The following TBCK variants were observed in gnomAD, a reference collection of about 807,000 sequenced individuals.
The protein encoded by TBCK is TBC domain-containing protein kinase-like protein.
Under a neutral mutation model 113.4 loss-of-function variants are expected in TBCK, and 99 were observed. That is an observed-to-expected ratio of 0.87 (90% confidence interval 0.74 to 1.03). TBCK has a LOEUF of 1.03. TBCK is among the 50% of genes least tolerant of loss of function. The pLI is 0.00. For synonymous variants in TBCK, 369 were observed against 370.8 expected (o/e 1.00, Z 0.05); for missense variants, 1,045 against 1,061.3 (o/e 0.98, Z 0.21).
intron 23 of TBCK, among the ~76,000 whole-genome samples, chr4:106,154,953 G>GT (rs377755770): frequency 9.7e-4 from 142 of 145,952 alleles, no homozygotes; most frequent in South Asian, 4.7e-3. Context: ...TTACTAGTGA[G>GT]TTTTTTTTTT....
chr4:106,199,480 G>C (rs1754634367), intron 20 of TBCK, among the ~76,000 whole-genome samples: 1 of 152,006 alleles, frequency 6.6e-6, no homozygotes, highest in Non-Finnish European at 1.5e-5. Flanking sequence ...AAATAACTGT[G>C]TAGTTTGAGG....
At chr4:106,244,084 C>G (rs1698542785) in intron 11 of TBCK, among the ~76,000 whole-genome samples, 1 of 151,978 alleles carries the variant, frequency 6.6e-6, no homozygotes, top group Non-Finnish European at 1.5e-5. Context: ...AATCTTAGCC[C>G]CAAGGCTGTA....
At chr4:106,166,823 C>T (rs944257335) in intron 23 of TBCK, among the ~76,000 whole-genome samples, 2 of 150,968 alleles carry the variant, frequency 1.3e-5, no homozygotes, top group South Asian at 4.2e-4. Flanking sequence ...TGAAATAATC[C>T]CAAATTAATA....
At chr4:106,234,145 T>C (rs572136427) in intron 15 of TBCK, among the ~76,000 whole-genome samples, 4 of 152,144 alleles carry the variant, frequency 2.6e-5, no homozygotes, top group Admixed American at 6.6e-5. Flanking sequence ...TTCTGGCTTA[T>C]TATCATGGTA....
At chr4:106,314,535 A>G (rs1302682505) in intron 1 of TBCK, among the ~76,000 whole-genome samples, 3 of 151,662 alleles carry the variant, frequency 2.0e-5, no homozygotes, top group Non-Finnish European at 4.4e-5. Context: ...AAAAGTGGTT[A>G]TCTTTGAAGA....
Position 106,139,502 on chromosome 4 carries a change from T to C in TBCK, c.2236-23124A>G, listed in dbSNP as rs147600504. Among the ~76,000 whole-genome samples, 476 of 141,764 alleles carry C rather than the reference T, an allele frequency of 3.4e-3. 88 individuals carry two copies. The highest frequency in any genetic ancestry group is 7.4e-3 in the Admixed American group (107 of 14,374). The allele number at this position is 141,764 out of a possible 152,430, so 93.0% of individuals were successfully genotyped here. A position where few individuals can be genotyped will look rare whatever the true frequency, so the allele number is the denominator to read the frequency against. Reference sequence around the variant, plus strand: ...GTATTCAGCTGTCTCTAATCTTTAATCATTTATTTTAACACACCACAAATC... The same window carrying C: ...GTATTCAGCTGTCTCTAATCTTTAACCATTTATTTTAACACACCACAAATC... On this transcript the variant is annotated intron_variant, in intron 23 of 25. Transcript: ENST00000394708.
At position 106,167,137 on chromosome 4, in the gene TBCK, G is replaced by T. The variant is rs368702604; in HGVS notation, c.2235+3958C>A. Among the ~76,000 whole-genome samples, 838 of 147,054 alleles carry T rather than the reference G, an allele frequency of 5.7e-3. 5 individuals are homozygous for T. Among genetic ancestry groups the T allele is most frequent in the Middle Eastern group, 0.043 (12 of 276 alleles). ...CACACTGTATATATATATATAGAGA[G>T]AGAGAGAGAGAACTATATATATAGA... On this transcript the variant is annotated intron_variant, in intron 23 of 25. Transcript: ENST00000394708.
At chr4:106,274,239 G>A (rs1478482275) in intron 3 of TBCK, among the ~76,000 whole-genome samples, 3 of 152,192 alleles carry the variant, frequency 2.0e-5, no homozygotes, top group African/African-American at 7.2e-5. Flanking sequence ...TGGAACCTTT[G>A]TGCATTGCTA....
chr4:106,150,657 G>T (rs1161898846), intron 23 of TBCK, among the ~76,000 whole-genome samples: 5 of 152,106 alleles, frequency 3.3e-5, no homozygotes, highest in Admixed American at 3.3e-4. Flanking sequence ...AGCACTGGGG[G>T]TACAGGGGTG....
At chr4:106,193,408 C>A (rs909156358) in intron 22 of TBCK, among the ~76,000 whole-genome samples, 2 of 151,974 alleles carry the variant, frequency 1.3e-5, no homozygotes, top group African/African-American at 2.4e-5. Flanking sequence ...TCACAGTGAG[C>A]GGGTATGACC....
chr4:106,308,368 T>C (rs1292841958), intron 2 of TBCK, among the ~76,000 whole-genome samples: 2 of 152,160 alleles, frequency 1.3e-5, no homozygotes, highest in Non-Finnish European at 2.9e-5. Context: ...TTGCAGGGAA[T>C]GGAGCATAGC....
chr4:106,288,299 C>T (rs1765324518), intron 3 of TBCK, among the ~76,000 whole-genome samples: 1 of 151,816 alleles, frequency 6.6e-6, no homozygotes, highest in African/African-American at 2.4e-5. Flanking sequence ...GAGGCTGAGA[C>T]AGGAGAATCA....
chr4:106,272,116 G>C (rs1430577993), intron 3 of TBCK, among the ~76,000 whole-genome samples: 1 of 151,238 alleles, frequency 6.6e-6, no homozygotes, highest in African/African-American at 2.4e-5. Flanking sequence ...ATAGAACAAA[G>C]ATAATAGGTT....
intron 25 of TBCK, among the ~76,000 whole-genome samples, chr4:106,071,550 G>A (rs1469814779): frequency 6.6e-6 from 1 of 152,188 alleles, no homozygotes; most frequent in Non-Finnish European, 1.5e-5. Flanking sequence ...AAGGCAATGT[G>A]GTGCCAAGAA....
intron 23 of TBCK, among the ~76,000 whole-genome samples, chr4:106,132,286 G>A (rs1293843005): frequency 6.6e-6 from 1 of 152,176 alleles, no homozygotes; most frequent in African/African-American, 2.4e-5. Flanking sequence ...GCTCTATGAA[G>A]CCTCATGACA....
At chr4:106,221,403 C>T (rs1175210362) in intron 19 of TBCK, among the ~76,000 whole-genome samples, 2 of 151,920 alleles carry the variant, frequency 1.3e-5, no homozygotes, top group Admixed American at 1.3e-4. Flanking sequence ...TTATATATCA[C>T]TTCATATATG....
intron 20 of TBCK, among the ~76,000 whole-genome samples, chr4:106,197,701 G>A (rs1316272357): frequency 6.6e-6 from 1 of 151,902 alleles, no homozygotes; most frequent in Non-Finnish European, 1.5e-5. Context: ...AGCCTTGAAA[G>A]GATCAAATTG....
At chr4:106,198,868 T>C (rs1205976569) in intron 20 of TBCK, among the ~76,000 whole-genome samples, 2 of 152,244 alleles carry the variant, frequency 1.3e-5, no homozygotes, top group African/African-American at 2.4e-5. Flanking sequence ...AGTACGACAA[T>C]ACAAGTTCTG....
intron 3 of TBCK, among the ~76,000 whole-genome samples, chr4:106,286,599 A>G (rs549669042): frequency 3.5e-4 from 53 of 152,282 alleles, no homozygotes; most frequent in African/African-American, 1.2e-3. Flanking sequence ...GGCTAAGGCA[A>G]GAAGATCACT....
Sources: allele counts gnomAD v4.1 joint callset (sites outside exome capture counted in the v4.1 genomes callset), GRCh38; gene constraint gnomAD v4.1.1; transcripts MANE v1.5; gene names NCBI Gene and HGNC (gene_info 2026-07-23, HGNC 2026-07-21).